The following ATXN3 variants were observed in gnomAD, a reference collection of about 807,000 sequenced individuals.
The protein encoded by ATXN3 is ataxin-3.
A neutral mutation model predicts 58.2 loss-of-function variants in ATXN3; 28 were observed. The ratio of observed to expected loss-of-function variants is 0.48; its 90% CI spans 0.36 to 0.66. The LOEUF (loss-of-function observed/expected upper bound fraction) is 0.66, where lower values mean the gene tolerates loss of function less well. Among genes scored for constraint, ATXN3 ranks in the 30% least tolerant of loss-of-function variants. The pLI is 0.00. For synonymous variants in ATXN3, 113 were observed against 138.5 expected (o/e 0.82, Z 1.29); for missense variants, 321 against 422.1 (o/e 0.76, Z 2.10).
chr14:92,045,903 T>G (rs2057425515), intron 2 of ATXN3, among the ~76,000 whole-genome samples: 1 of 152,228 alleles, frequency 6.6e-6, no homozygotes, highest in Admixed American at 6.5e-5. Flanking sequence ...AGCTAGCAGC[T>G]TCTTTAGCTA....
chr14:92,052,313 G>A (rs1441164769), upstream of ATXN3, among the ~76,000 whole-genome samples: 8 of 151,714 alleles, frequency 5.3e-5, no homozygotes, highest in Admixed American at 2.0e-4. Flanking sequence ...TGACCAACAT[G>A]GAGAAACCCC....
chr14:92,087,320 A>C (rs969905864), intron 6 of ATXN3, among the ~76,000 whole-genome samples: 1 of 152,334 alleles, frequency 6.6e-6, no homozygotes, highest in Admixed American at 6.5e-5. Flanking sequence ...GTGTGGTAGC[A>C]CAAGCCTGTA....
Position 92,093,845 on chromosome 14 carries a change from T to C in ATXN3, c.235-14A>G, listed in dbSNP as rs374862126. 7 of 1,554,044 alleles carry C rather than the reference T, an allele frequency of 4.5e-6. No individual in the cohort carries two copies. The highest frequency in any genetic ancestry group is 6.2e-6 in the Non-Finnish European group (7 of 1,126,110). On this transcript the variant is annotated splice_polypyrimidine_tract_variant and intron_variant, in intron 3 of 10. Transcript: ENST00000644486. The stretch of plus-strand genomic sequence containing the variant: ...ATTGCTTATAACCTGTTAAGAAAAA[T>C]AGCAACTTTTCATAAGCTAAACCAC...
chr14:92,075,753 G>A (rs1363904961), intron 9 of ATXN3, among the ~76,000 whole-genome samples: 1 of 152,178 alleles, frequency 6.6e-6, no homozygotes, highest in Non-Finnish European at 1.5e-5. Flanking sequence ...AAGTAATCAG[G>A]AATTTTAGTG....
chr14:92,077,378 G>A (rs953089618), intron 9 of ATXN3, among the ~76,000 whole-genome samples: 6 of 150,752 alleles, frequency 4.0e-5, no homozygotes, highest in African/African-American at 1.5e-4. Context: ...ACAGAGCCTC[G>A]CTCTGTCGCC....
intron 4 of ATXN3, 169 bp from the exon 5 acceptor site, chr14:92,093,487 T>C: frequency 1.6e-6 from 1 of 618,962 alleles, no homozygotes; most frequent in South Asian, 2.1e-5. Flanking sequence ...TGCAGCAGCT[T>C]AGTGATGCTG....
In ATXN3 at chr14:92,083,242, G is replaced by C. The variant is rs16999141; in HGVS notation, c.492C>G (p.Val164=). The part of the protein sequence containing the change: ...QLQQEGYSIF[V]VKGDLPDCEA... ...CGCAATCTGGCAGATCACCCTTAAC[G>C]ACAAATATAGAATAACCTAAAAAAA... The change falls in exon 7 of 11, where the codon GTC becomes GTG. Residue 164 remains valine (V), a synonymous_variant. Coordinates refer to ENST00000644486, the MANE Select transcript of ATXN3 (RefSeq NM_004993.6). 6.2e-7 allele frequency: 1 copy of C among 1,609,790 alleles called. No individual in the cohort carries two copies. Among genetic ancestry groups the C allele is most frequent in the Non-Finnish European group, 8.5e-7 (1 of 1,178,724 alleles).
rs1287520020 is a variant in ATXN3, at chr14:92,061,968, C to T, written c.*2352G>A. On this transcript the variant is annotated 3_prime_UTR_variant, in exon 11 of 11. Coordinates refer to ENST00000644486, the MANE Select transcript of ATXN3 (RefSeq NM_004993.6). ...TGCTCAGCTCTGCTTTAAAAACTCT[C>T]TAGCTGGCCAGGCGCAGTGGCTCAT... is the stretch of plus-strand genomic sequence containing the variant. The T allele has an allele frequency of 6.6e-6, 1 of 152,266 alleles. No homozygotes were observed. The highest frequency in any genetic ancestry group is 2.4e-5 in the African/African-American group (1 of 41,454). 9.4% of individuals were successfully genotyped at this position (152,266 alleles called of 1,614,324 possible).
Position 92,091,633 on chromosome 14 carries a change from T to TA in ATXN3, c.387+1618dup, listed in dbSNP as rs1350865181. ...CCTTTTTTGGCTTGTATTTACATTT[T>TA]AAAAAAAACAGATTTATTGGGGTAT... is the stretch of plus-strand genomic sequence containing the variant. On this transcript the variant is annotated intron_variant, in intron 5 of 10. Transcript: ENST00000644486. 5.8e-4 allele frequency among the ~76,000 whole-genome samples: 85 copies of TA among 146,064 alleles called. 2 individuals are homozygous for TA. In the East Asian group the frequency reaches 0.013, roughly 22 times the overall value.
chr14:92,101,249 T>G (rs1325614734), intron 1 of ATXN3, among the ~76,000 whole-genome samples: 1 of 152,224 alleles, frequency 6.6e-6, no homozygotes, highest in African/African-American at 2.4e-5. Flanking sequence ...GAGGATCACT[T>G]GAGCCCAGGA....
At position 92,062,531 on chromosome 14, in the gene ATXN3, G is replaced by A. The variant is rs1480379712; in HGVS notation, c.*1789C>T. 5 of 152,240 alleles carry A rather than the reference G, an allele frequency of 3.3e-5. No homozygotes were observed. In the East Asian group the frequency reaches 9.6e-4, roughly 29 times the overall value. 9.4% of individuals were successfully genotyped at this position (152,240 alleles called of 1,614,324 possible). ...TGGTAATAATTAACATAAATGTTCA[G>A]TCTTAAAATATTTAGCTTTTTAAAT... On this transcript the variant is annotated 3_prime_UTR_variant, in exon 11 of 11. Coordinates refer to ENST00000644486, the MANE Select transcript of ATXN3 (RefSeq NM_004993.6).
At chr14:92,055,350 T>C (rs1192467263), downstream of ATXN3, among the ~76,000 whole-genome samples, 1 of 152,162 alleles carries the variant, frequency 6.6e-6, no homozygotes, top group Admixed American at 6.5e-5. This position sits in a 1 kb window ranked among gnomAD's most constrained non-coding sequence, Gnocchi z 4.5. Flanking sequence ...TGATAAGATA[T>C]ATATAACACA....
intron 9 of ATXN3, among the ~76,000 whole-genome samples, chr14:92,078,189 G>A (rs576244669): frequency 6.6e-6 from 1 of 152,060 alleles, no homozygotes; most frequent in South Asian, 2.1e-4. Flanking sequence ...TGGCCAGGCT[G>A]GTCTTGTACT....
Position 92,064,253 on chromosome 14 carries a change from A to G in ATXN3, c.*67T>C. 1.5e-5 allele frequency: 17 copies of G among 1,169,228 alleles called. No individual in the cohort carries two copies. Among genetic ancestry groups the G allele is most frequent in the Non-Finnish European group, 1.6e-5 (13 of 801,624 alleles). The allele number at this position is 1,169,228 out of a possible 1,614,324, so 72.4% of individuals were successfully genotyped here. The stretch of plus-strand genomic sequence containing the variant: ...TCTCTTTGACACATTACCAAAGTGG[A>G]CCCTATGCTGTAATCACACAGGATA... On this transcript the variant is annotated 3_prime_UTR_variant, in exon 11 of 11. Transcript: ENST00000644486.
At position 92,081,052 on chromosome 14, in the gene ATXN3, C is replaced by T; in HGVS notation, c.785G>A (p.Arg262Lys). Residue 262 changes from arginine (R) to lysine (K), a missense_variant, in exon 9 of 11, where the codon AGA becomes AAA. Coordinates refer to ENST00000644486, the MANE Select transcript of ATXN3 (RefSeq NM_004993.6). ...AIQLSMQGSSRNISQDMTQTS... is the reference protein window; with the variant it reads ...AIQLSMQGSSKNISQDMTQTS... ...CTGTGTCATATCTTGAGATATGTTT[C>T]TGGAACTACCTGAAAACAAAACACA... 1 of 1,602,676 alleles carries T rather than the reference C, an allele frequency of 6.2e-7. No homozygotes were observed. Among genetic ancestry groups the T allele is most frequent in the African/African-American group, 1.3e-5 (1 of 74,780 alleles).
upstream of ATXN3, among the ~76,000 whole-genome samples, chr14:92,052,553 TTGTTCCCCAAAGTC>T (rs1292495817): frequency 1.3e-5 from 2 of 152,172 alleles, no homozygotes; most frequent in Non-Finnish European, 2.9e-5. Flanking sequence ...TGACTGCTAA[TTGTTCCCCAAAGTC>T]TGTTCTCCCC....
intron 1 of ATXN3, among the ~76,000 whole-genome samples, chr14:92,106,165 A>G (rs968239598): frequency 1.3e-5 from 2 of 152,160 alleles, no homozygotes; most frequent in African/African-American, 4.8e-5. Flanking sequence ...GACTCTAGCT[A>G]GACCCTAGGG....
intron 9 of ATXN3, among the ~76,000 whole-genome samples, chr14:92,079,698 G>C (rs1266825455): frequency 6.6e-6 from 1 of 152,140 alleles, no homozygotes. Flanking sequence ...TAGGATCAGT[G>C]GGTCTGATTA....
intron 5 of ATXN3, 110 bp downstream of exon 5, chr14:92,093,142 C>A (rs1480325551): frequency 6.4e-6 from 4 of 625,244 alleles, no homozygotes; most frequent in African/African-American, 3.9e-5. Flanking sequence ...GTGATCCCCC[C>A]ACCTCAGCCT....
Sources: allele counts gnomAD v4.1 joint callset (sites outside exome capture counted in the v4.1 genomes callset), GRCh38; gene constraint gnomAD v4.1.1; non-coding constraint Gnocchi (gnomAD v3.1); transcripts MANE v1.5; gene names NCBI Gene and HGNC (gene_info 2026-07-23, HGNC 2026-07-21).